The following RAB2A variants were observed in gnomAD, a reference collection of about 807,000 sequenced individuals.
The protein encoded by RAB2A is RAB2A, member RAS oncogene family.
RAB2A carries 7 observed loss-of-function variants against 32.5 expected under a neutral mutation model. The ratio of observed to expected loss-of-function variants is 0.22; its 90% CI spans 0.12 to 0.40. The LOEUF is 0.40. RAB2A is among the 10% of genes least tolerant of loss of function. RAB2A has a pLI of 1.00. For missense variants in RAB2A, 108 were observed against 260.7 expected (o/e 0.41, Z 4.03); for synonymous variants, 79 against 85.2 (o/e 0.93, Z 0.40).
intron 1 of RAB2A, among the ~76,000 whole-genome samples, chr8:60,546,934 T>TTTTATTGATCA (rs1807738047): frequency 1.4e-5 from 2 of 147,364 alleles, no homozygotes; most frequent in African/African-American, 5.0e-5. Context: ...TTCTTGGGTG[T>TTTTATTGATCA]TTCTCGCAGA....
At chr8:60,590,517 G>A (rs1459163710) in intron 5 of RAB2A, among the ~76,000 whole-genome samples, 4 of 145,214 alleles carry the variant, frequency 2.8e-5, no homozygotes, top group Non-Finnish European at 4.5e-5. Context: ...GCCTTGGCAC[G>A]TGTATACACA....
At chr8:60,590,879 A>G (rs1203438141) in intron 5 of RAB2A, among the ~76,000 whole-genome samples, 2 of 151,546 alleles carry the variant, frequency 1.3e-5, no homozygotes, top group Non-Finnish European at 2.9e-5. Flanking sequence ...AAATGCAAAA[A>G]CATGCATGAG....
In RAB2A at chr8:60,620,758, G is replaced by A. The variant is rs374486741; in HGVS notation, c.628G>A (p.Gly210Ser). 2.7e-5 allele frequency: 43 copies of A among 1,612,922 alleles called. No homozygotes were observed. The highest frequency in any genetic ancestry group is 3.3e-5 in the Non-Finnish European group (39 of 1,179,688). ...TCAGGGAGGACAGCAGGCTGGGGGC[G>A]GCTGCTGTTGAGTCTGTTTTTACTG... ...GNQGGQQAGGGCC is the reference protein window; with the variant it reads ...GNQGGQQAGGSCC The change falls in exon 8 of 8, where the codon GGC becomes AGC. Residue 210 changes from glycine to serine, a missense_variant. Physicochemically the swap from Gly to Ser is moderately conservative, Grantham distance 56. Around this residue, in one of 4 missense-constraint regions of RAB2A, gnomAD observed 24 missense variants for 23.2 expected, o/e 1.04. Coordinates refer to ENST00000262646, the MANE Select transcript of RAB2A (RefSeq NM_002865.3).
At chr8:60,528,602 G>A (rs774712818) in intron 1 of RAB2A, among the ~76,000 whole-genome samples, 2 of 152,010 alleles carry the variant, frequency 1.3e-5, no homozygotes, top group African/African-American at 4.8e-5. Flanking sequence ...TTCCTACCCT[G>A]TGTTGGCGTT....
intron 3 of RAB2A, among the ~76,000 whole-genome samples, chr8:60,581,133 G>T (rs1803742286): frequency 6.6e-6 from 1 of 152,222 alleles, no homozygotes; most frequent in Admixed American, 6.5e-5. Flanking sequence ...CCATAACAGA[G>T]ACGGCTGCAG....
At chr8:60,611,957 C>G (rs72650425) in intron 6 of RAB2A, among the ~76,000 whole-genome samples, 22,822 of 152,120 alleles carry the variant, frequency 0.15, 1,860 homozygotes, top group East Asian at 0.26. Flanking sequence ...CAGCAACAAA[C>G]CCTAAAATAA....
intron 1 of RAB2A, among the ~76,000 whole-genome samples, chr8:60,524,192 C>T (rs1348265433): frequency 1.3e-5 from 2 of 152,122 alleles, no homozygotes; most frequent in East Asian, 1.9e-4. Flanking sequence ...CTTTCTGTCC[C>T]ATGCCATTCC....
intron 1 of RAB2A, among the ~76,000 whole-genome samples, chr8:60,551,290 G>A (rs1439383208): frequency 1.3e-5 from 2 of 152,200 alleles, no homozygotes; most frequent in Non-Finnish European, 2.9e-5. Context: ...CCACAAGTTT[G>A]TGAGCCTTTG....
chr8:60,606,363 T>A (rs999489955), intron 6 of RAB2A, among the ~76,000 whole-genome samples: 1 of 152,218 alleles, frequency 6.6e-6, no homozygotes, highest in Non-Finnish European at 1.5e-5. Context: ...AATCCTACAG[T>A]GAATACTCTT....
intron 2 of RAB2A, among the ~76,000 whole-genome samples, chr8:60,571,329 G>T (rs943789687): frequency 6.6e-6 from 1 of 152,152 alleles, no homozygotes; most frequent in African/African-American, 2.4e-5. Context: ...TAGCAATAAA[G>T]TACCAAATTA....
At chr8:60,598,309 T>G (rs1804066165) in intron 6 of RAB2A, among the ~76,000 whole-genome samples, 1 of 152,126 alleles carries the variant, frequency 6.6e-6, no homozygotes, top group Non-Finnish European at 1.5e-5. Flanking sequence ...CACTGCGGAA[T>G]TCTACCAGAC....
chr8:60,530,272 A>G (rs1022586524), intron 1 of RAB2A, among the ~76,000 whole-genome samples: 2 of 151,586 alleles, frequency 1.3e-5, no homozygotes, highest in Non-Finnish European at 2.9e-5. Context: ...CAGCCTCTCA[A>G]GTAGCTGGGA....
At chr8:60,597,010 G>T (rs1365892005) in intron 6 of RAB2A, among the ~76,000 whole-genome samples, 2 of 152,206 alleles carry the variant, frequency 1.3e-5, no homozygotes, top group Non-Finnish European at 2.9e-5. Flanking sequence ...GGGTAATTCA[G>T]TTCAACCATT....
At chr8:60,618,725 A>C in intron 7 of RAB2A, 77 bp downstream of exon 7, 1 of 495,136 alleles carries the variant, frequency 2.0e-6, no homozygotes, top group Non-Finnish European at 2.8e-6. Context: ...TTTTTATTTT[A>C]TAATTCATTA....
intron 1 of RAB2A, among the ~76,000 whole-genome samples, chr8:60,519,180 A>G (rs1807261690): frequency 6.6e-6 from 1 of 151,984 alleles, no homozygotes; most frequent in South Asian, 2.1e-4. Context: ...ACTTCTCCCT[A>G]CTCCAGTTCA....
intron 1 of RAB2A, among the ~76,000 whole-genome samples, chr8:60,539,419 T>C (rs1297948215): frequency 6.6e-6 from 1 of 152,204 alleles, no homozygotes; most frequent in Non-Finnish European, 1.5e-5. Flanking sequence ...ATGAATAAGG[T>C]GGTATAATTA....
chr8:60,539,488 T>C (rs1807606434), intron 1 of RAB2A, among the ~76,000 whole-genome samples: 2 of 152,188 alleles, frequency 1.3e-5, no homozygotes, highest in Non-Finnish European at 2.9e-5. Context: ...TCAATCAGCA[T>C]CATACACAGG....
At chr8:60,590,224 T>C (rs1357961761) in intron 5 of RAB2A, among the ~76,000 whole-genome samples, 1 of 149,944 alleles carries the variant, frequency 6.7e-6, no homozygotes, top group African/African-American at 2.5e-5. Context: ...CCTCCCAAAG[T>C]GCCGTAATTA....
At chr8:60,576,446 A>C (rs1803631572) in intron 3 of RAB2A, 1 of 331,620 alleles carries the variant, frequency 3.0e-6, no homozygotes, top group Non-Finnish European at 6.0e-6. Context: ...CCCTCCAAAA[A>C]AAATTGTAAT....
Sources: gnomAD v4.1 joint callset for allele counts (sites outside exome capture counted in the v4.1 genomes callset) on GRCh38, gnomAD v4.1.1 for gene constraint, gnomAD v4.1.1 regional missense constraint, MANE v1.5 for transcripts, NCBI Gene and HGNC (gene_info 2026-07-23, HGNC 2026-07-21) for gene names.